CUBN: variants seen among roughly 807,000 people sequenced by gnomAD.
CUBN encodes the protein 460 kDa receptor.
In CUBN, 282 loss-of-function variants were observed where a neutral mutation model predicts 405.3. The ratio of observed to expected loss-of-function variants is 0.70; its 90% CI spans 0.63 to 0.77. CUBN has a LOEUF of 0.77. CUBN is among the 30% of genes least tolerant of loss of function. The pLI is 0.00. For synonymous variants in CUBN, 1,684 were observed against 1,617.0 expected, an observed-to-expected ratio of 1.04 and a Z score of -0.99; for missense variants, 4,514 against 4,475.2, an observed-to-expected ratio of 1.01 and a Z score of -0.25.
Position 16,949,464 on chromosome 10 carries a change from T to TGTGTGTGTGTGTGTG in CUBN, c.5080+536_5080+537insCACACACACACACAC, listed in dbSNP as rs1554798711. Among the ~76,000 whole-genome samples the TGTGTGTGTGTGTGTG allele has an allele frequency of 3.5e-3, 253 of 71,670 alleles. 1 individual carries two copies. Among genetic ancestry groups the TGTGTGTGTGTGTGTG allele is most frequent in the Middle Eastern group, 7.4e-3 (1 of 136 alleles). 47.0% of individuals were successfully genotyped at this position (71,670 alleles called of 152,430 possible). ...GTGTGTGTGTGTGTGTGTGTGTGTG[T>TGTGTGTGTGTGTGTG]AGTGTGTGTGTGTTTGTTTGTTTTG... On this transcript the variant is annotated intron_variant, in intron 34 of 66. Transcript: ENST00000377833.
chr10:17,119,170 T>C (rs774575170), intron 6 of CUBN, among the ~76,000 whole-genome samples: 3 of 152,232 alleles, frequency 2.0e-5, no homozygotes, highest in Non-Finnish European at 4.4e-5. Flanking sequence ...GTTTAAACTC[T>C]GCATGATGTA....
intron 43 of CUBN, among the ~76,000 whole-genome samples, chr10:16,923,356 G>A (rs1252346268): frequency 6.6e-6 from 1 of 152,130 alleles, no homozygotes; most frequent in African/African-American, 2.4e-5. Flanking sequence ...GAGAAAAATG[G>A]TATAAAACTA....
At chr10:16,867,210 A>G (rs765119502) in intron 59 of CUBN, among the ~76,000 whole-genome samples, 2 of 152,314 alleles carry the variant, frequency 1.3e-5, no homozygotes, top group Non-Finnish European at 2.9e-5. Flanking sequence ...AAAATCCACT[A>G]TCTGGTCCAC....
intron 54 of CUBN, among the ~76,000 whole-genome samples, chr10:16,896,007 A>C (rs1420463497): frequency 1.3e-5 from 2 of 151,904 alleles, no homozygotes; most frequent in African/African-American, 4.8e-5. Flanking sequence ...TTTTCTGTAC[A>C]TTTCTTCACA....
intron 27 of CUBN, among the ~76,000 whole-genome samples, chr10:17,025,187 C>A (rs1191093968): frequency 1.3e-5 from 2 of 152,094 alleles, no homozygotes; most frequent in Non-Finnish European, 2.9e-5. Flanking sequence ...CCTATTCTTT[C>A]TATAGAATAA....
At chr10:17,002,388 A>T (rs2131741962) in intron 28 of CUBN, among the ~76,000 whole-genome samples, 2 of 152,290 alleles carry the variant, frequency 1.3e-5, no homozygotes, top group African/African-American at 4.8e-5. Context: ...TTTGGCCCAG[A>T]TCTCAAGGAC....
At chr10:17,095,011 CA>C (rs1292967449) in intron 14 of CUBN, among the ~76,000 whole-genome samples, 2 of 151,934 alleles carry the variant, frequency 1.3e-5, no homozygotes, top group East Asian at 3.9e-4. Context: ...AAATATATTA[CA>C]AAACTGTAGT....
intron 26 of CUBN, among the ~76,000 whole-genome samples, chr10:17,041,647 A>T (rs756017311): frequency 3.9e-5 from 6 of 152,080 alleles, no homozygotes; most frequent in Non-Finnish European, 5.9e-5. Flanking sequence ...AAGGGACAGA[A>T]ATTCTGACTT....
At chr10:17,118,477 G>T (rs894109178) in intron 6 of CUBN, among the ~76,000 whole-genome samples, 1 of 152,142 alleles carries the variant, frequency 6.6e-6, no homozygotes, top group Non-Finnish European at 1.5e-5. Flanking sequence ...AGGGTCTTGT[G>T]CCCAGGCGGA....
intron 56 of CUBN, among the ~76,000 whole-genome samples, chr10:16,884,140 C>T (rs751773068): frequency 8.1e-4 from 123 of 152,094 alleles, no homozygotes; most frequent in Non-Finnish European, 1.1e-3. Flanking sequence ...CCACCACGCC[C>T]GGCTAATTTT....
intron 27 of CUBN, among the ~76,000 whole-genome samples, chr10:17,036,242 T>C (rs768309795): frequency 2.6e-5 from 4 of 152,154 alleles, no homozygotes; most frequent in Non-Finnish European, 4.4e-5. Flanking sequence ...AGTCTGGTTG[T>C]ATGCAAGCAC....
chr10:16,825,527 T>TATATAATTAAAATGA (rs1422136687), intron 66 of CUBN, among the ~76,000 whole-genome samples: 4 of 152,168 alleles, frequency 2.6e-5, no homozygotes, highest in Non-Finnish European at 4.4e-5. Flanking sequence ...GAAACAAACA[T>TATATAATTAAAATGA]ATATAATTAA....
chr10:17,076,146 C>T (rs1835849417), intron 17 of CUBN, among the ~76,000 whole-genome samples: 1 of 152,090 alleles, frequency 6.6e-6, no homozygotes, highest in African/African-American at 2.4e-5. Context: ...GGGCCATTCC[C>T]CTGGGCCCCA....
chr10:16,904,998 C>A (rs986627978), intron 50 of CUBN, among the ~76,000 whole-genome samples: 2 of 152,196 alleles, frequency 1.3e-5, no homozygotes, highest in African/African-American at 4.8e-5. Flanking sequence ...CAGGCTCTAT[C>A]AAATTCTCCT....
rs182149434 is a variant in CUBN at position 17,014,208 on chromosome 10, T to C, written c.4168+5625A>G. Reference sequence around the variant, plus strand: ...TACTATATCAATTTTCTTACTTAGGTATGCCACTGGTTGTGGGGTTGTCCC... The same window carrying C: ...TACTATATCAATTTTCTTACTTAGGCATGCCACTGGTTGTGGGGTTGTCCC... On this transcript the variant is annotated intron_variant, in intron 28 of 66. Transcript: ENST00000377833. Among the ~76,000 whole-genome samples the C allele has an allele frequency of 1.5e-3, 226 of 152,298 alleles. 1 individual carries two copies. Among genetic ancestry groups the C allele is most frequent in the African/African-American group, 5.2e-3 (216 of 41,566 alleles).
intron 27 of CUBN, among the ~76,000 whole-genome samples, chr10:17,025,324 A>G (rs1169019935): frequency 1.3e-5 from 2 of 152,218 alleles, no homozygotes; most frequent in African/African-American, 2.4e-5. Flanking sequence ...CAGGAAAGCA[A>G]TTTTATTGTA....
intron 17 of CUBN, among the ~76,000 whole-genome samples, chr10:17,072,833 A>C (rs1304141584): frequency 6.6e-6 from 1 of 152,168 alleles, no homozygotes; most frequent in Non-Finnish European, 1.5e-5. Flanking sequence ...AACTCTATGA[A>C]TGTTTTTAAT....
At chr10:16,841,162 C>G in intron 60 of CUBN, 115 bp from the exon 61 acceptor site, 1 of 829,950 alleles carries the variant, frequency 1.2e-6, no homozygotes, top group East Asian at 2.6e-5. Flanking sequence ...CATTGATTTT[C>G]TTAGAGGTAG....
intron 28 of CUBN, among the ~76,000 whole-genome samples, chr10:17,014,247 C>T (rs1382814606): frequency 1.3e-5 from 2 of 152,170 alleles, no homozygotes; most frequent in Non-Finnish European, 2.9e-5. Flanking sequence ...AGTCTAAGGA[C>T]CCCAAGAGCT....
Sources: gnomAD v4.1 joint callset for allele counts (sites outside exome capture counted in the v4.1 genomes callset) on GRCh38, gnomAD v4.1.1 for gene constraint, MANE v1.5 for transcripts, NCBI Gene and HGNC (gene_info 2026-07-23, HGNC 2026-07-21) for gene names.